Variants in KCNN4 observed in about 807,000 individuals in gnomAD.
KCNN4 encodes intermediate conductance calcium-activated potassium channel protein 4.
A neutral mutation model predicts 45.2 loss-of-function variants in KCNN4; 31 were observed. The ratio of observed to expected loss-of-function variants is 0.69; its 90% CI spans 0.52 to 0.92. The LOEUF (loss-of-function observed/expected upper bound fraction) is 0.92. Among genes scored for constraint, KCNN4 ranks in the 40% least tolerant of loss-of-function variants. The pLI, the probability that KCNN4 is intolerant of heterozygous loss-of-function variation, is 0.00. For missense variants in KCNN4, 463 were observed against 574.0 expected (o/e 0.81, Z 1.98); for synonymous variants, 231 against 254.6 (o/e 0.91, Z 0.88).
Position 43,774,939 on chromosome 19 carries a change from C to T in KCNN4, c.256-320G>A, listed in dbSNP as rs1433791769. Among the ~76,000 whole-genome samples the T allele has an allele frequency of 1.3e-5, 2 of 152,244 alleles. No homozygotes were observed. Among genetic ancestry groups the T allele is most frequent in the Non-Finnish European group, 2.9e-5 (2 of 68,042 alleles). ...ACAGTGAACCCAACAGACCCCCCTG[C>T]CTCCCTAGAGCTTGCATTCCACATG... On this transcript the variant is annotated intron_variant, in intron 2 of 8. Coordinates refer to ENST00000648319, the MANE Select transcript of KCNN4 (RefSeq NM_002250.3). The surrounding 1 kb of genome is among the most constrained non-coding windows in gnomAD (Gnocchi z 5.6).
chr19:43,768,717 C>G (rs567164997), intron 7 of KCNN4, among the ~76,000 whole-genome samples: 4 of 151,698 alleles, frequency 2.6e-5, no homozygotes, highest in Non-Finnish European at 5.9e-5. Context: ...AATTTGAAAC[C>G]AAACACTGGG....
At position 43,769,324 on chromosome 19, in the gene KCNN4, A is replaced by G; in HGVS notation, c.1049+118T>C. On this transcript the variant is annotated intron_variant, in intron 6 of 8. Transcript: ENST00000648319. The surrounding 1 kb of genome is among the most constrained non-coding windows in gnomAD (Gnocchi z 4.4). ...CCAGGTGAGACCTGGATGTTGAGTG[A>G]GACCACACCTGGGTGTCCTGACCTG... 1.2e-6 allele frequency: 1 copy of G among 808,778 alleles called. No individual in the cohort carries two copies. The highest frequency in any genetic ancestry group is 2.1e-6 in the Non-Finnish European group (1 of 477,736). 50.1% of individuals were successfully genotyped at this position (808,778 alleles called of 1,614,324 possible). A position where few individuals can be genotyped will look rare whatever the true frequency, so the allele number is the denominator to read the frequency against.
chr19:43,771,884 G>A, intron 4 of KCNN4, 116 bp downstream of exon 4: 1 of 1,319,870 alleles, frequency 7.6e-7, no homozygotes, highest in Non-Finnish European at 1.0e-6. Context: ...AGACACTCAA[G>A]TTTCTCAGGA....
chr19:43,774,476 C>T lies in KCNN4; in HGVS notation c.399G>A (p.Ala133=). ...GCCAGGGCTGCGGGGAGGTCAGCGG[C>T]GCCCCTAAATCCTGCACGCACGGCG... ...RGPPCVQDLG[A]PLTSPQPWPG... is the part of the protein sequence containing the mutation. The change falls in exon 3 of 9, where the codon GCG becomes GCA. Residue 133 remains alanine (A), a synonymous_variant. Coordinates refer to ENST00000648319, the MANE Select transcript of KCNN4 (RefSeq NM_002250.3). This position sits in a 1 kb window ranked among gnomAD's most constrained non-coding sequence, Gnocchi z 5.6. 2.5e-6 allele frequency: 4 copies of T among 1,595,884 alleles called. No individual in the cohort carries two copies. The highest frequency in any genetic ancestry group is 2.6e-6 in the Non-Finnish European group (3 of 1,171,536).
At chr19:43,767,732 G>T in intron 7 of KCNN4, 25 bp from the exon 8 acceptor site, 1 of 1,613,546 alleles carries the variant, frequency 6.2e-7, no homozygotes, top group East Asian at 2.2e-5. Flanking sequence ...AGGATCAGAG[G>T]TGTCGGGGCT....
Position 43,769,234 on chromosome 19 carries a change from C to G in KCNN4, c.1050-202G>C. On this transcript the variant is annotated intron_variant, in intron 6 of 8. Coordinates refer to ENST00000648319, the MANE Select transcript of KCNN4 (RefSeq NM_002250.3). The surrounding 1 kb of genome is among the most constrained non-coding windows in gnomAD (Gnocchi z 4.4). ...CAGTAGAAACCCAGGTACCCAGGTC[C>G]GCAGACACACCGAGATATGCGGAGA... 2 of 673,144 alleles carry G rather than the reference C, an allele frequency of 3.0e-6. No individual in the cohort carries two copies. The highest frequency in any genetic ancestry group is 5.2e-6 in the Non-Finnish European group (2 of 386,358). The allele number at this position is 673,144 out of a possible 1,614,324, so 41.7% of individuals were successfully genotyped here. A position where few individuals can be genotyped will look rare whatever the true frequency, so the allele number is the denominator to read the frequency against.
In KCNN4 at chr19:43,776,677, C is replaced by A. The variant is rs554707587; in HGVS notation, c.160-41G>T. On this transcript the variant is annotated intron_variant, in intron 1 of 8. Coordinates refer to ENST00000648319, the MANE Select transcript of KCNN4 (RefSeq NM_002250.3). ...GAAAAAGCGGTGTGAGATCCCAGGT[C>A]TCCCTCCGCCTGGCCCTCCACCTTT... is the stretch of plus-strand genomic sequence containing the variant. 7.9e-5 allele frequency: 104 copies of A among 1,323,206 alleles called. 1 individual carries two copies. The highest frequency in any genetic ancestry group is 3.8e-4 in the South Asian group (32 of 85,222). 82.0% of individuals were successfully genotyped at this position (1,323,206 alleles called of 1,614,324 possible). A position where few individuals can be genotyped will look rare whatever the true frequency, so the allele number is the denominator to read the frequency against.
At chr19:43,767,984 A>C (rs991463101) in intron 7 of KCNN4, among the ~76,000 whole-genome samples, 20 of 152,220 alleles carry the variant, frequency 1.3e-4, no homozygotes, top group South Asian at 6.2e-4. Context: ...GTTAAATGAC[A>C]TGCCCAAAGC....
At position 43,774,611 on chromosome 19, in the gene KCNN4, C is replaced by A; in HGVS notation, c.264G>T (p.Met88Ile). ...GCCAGTCCCGCAGCCCGTTGTCGGTCATGAACAGCTGCCGGTAGGGGGCCA... is the reference window on the plus strand; with the variant it reads ...GCCAGTCCCGCAGCCCGTTGTCGGTAATGAACAGCTGCCGGTAGGGGGCCA... ...AFHAKEVQLF[M>I]TDNGLRDWRV... Residue 88 changes from methionine to isoleucine, a missense_variant, in exon 3 of 9, where the codon ATG (methionine) becomes ATT (isoleucine). Physicochemically the swap from Met to Ile is conservative, Grantham distance 10. This residue lies in a region of KCNN4 where 225 missense variants were observed against 240.9 expected (regional missense o/e 0.93). Coordinates refer to ENST00000648319, the MANE Select transcript of KCNN4 (RefSeq NM_002250.3). The surrounding 1 kb of genome is among the most constrained non-coding windows in gnomAD (Gnocchi z 5.6). 4 of 1,500,782 alleles carry A rather than the reference C, an allele frequency of 2.7e-6. No homozygotes were observed. The South Asian group carries it at 5.3e-5, about 20-fold the overall frequency. The allele number at this position is 1,500,782 out of a possible 1,614,324, so 93.0% of individuals were successfully genotyped here.
rs75970025 is a variant in KCNN4, at chr19:43,779,923, G to A, written c.159+780C>T. Reference sequence around the variant, plus strand: ...TTGAGCTTGTTAACAGTGGAGACTGGGTTGGGGTTGGTGGGGGGAGGCAGG... The same window carrying A: ...TTGAGCTTGTTAACAGTGGAGACTGAGTTGGGGTTGGTGGGGGGAGGCAGG... On this transcript the variant is annotated intron_variant, in intron 1 of 8. Transcript: ENST00000648319. Among the ~76,000 whole-genome samples, 369 of 152,288 alleles carry A rather than the reference G, an allele frequency of 2.4e-3. 3 individuals carry two copies. Among genetic ancestry groups the A allele is most frequent in the African/African-American group, 8.5e-3 (353 of 41,550 alleles).
chr19:43,774,050 G>T lies in KCNN4; in HGVS notation c.683+142C>A. The T allele has an allele frequency of 1.1e-6, 1 of 897,568 alleles. No individual in the cohort carries two copies. The allele number at this position is 897,568 out of a possible 1,614,324, so 55.6% of individuals were successfully genotyped here. A position where few individuals can be genotyped will look rare whatever the true frequency, so the allele number is the denominator to read the frequency against. ...TTGATGGGAGTGTGGGCAAATTTCA[G>T]CCAGCAAGAGGAGAAGGGGTCAAAG... is the stretch of plus-strand genomic sequence containing the variant. On this transcript the variant is annotated intron_variant, in intron 3 of 8. Transcript: ENST00000648319. This position sits in a 1 kb window ranked among gnomAD's most constrained non-coding sequence, Gnocchi z 5.6.
chr19:43,776,456 G>C (rs1201215357), intron 2 of KCNN4, 85 bp downstream of exon 2: 1 of 852,112 alleles, frequency 1.2e-6, no homozygotes, highest in African/African-American at 1.7e-5. Context: ...CTCAGATCAG[G>C]AGGAGGAGGA....
chr19:43,774,599 C>G lies in KCNN4; in HGVS notation c.276G>C (p.Gly92=), dbSNP rs1337896495. 6.6e-7 allele frequency: 1 copy of G among 1,512,792 alleles called. No individual in the cohort carries two copies. Among genetic ancestry groups the G allele is most frequent in the Non-Finnish European group, 8.8e-7 (1 of 1,140,466 alleles). 93.7% of individuals were successfully genotyped at this position (1,512,792 alleles called of 1,614,324 possible). A position where few individuals can be genotyped will look rare whatever the true frequency, so the allele number is the denominator to read the frequency against. Residue 92 remains glycine, a synonymous_variant, in exon 3 of 9, where the codon GGG becomes GGC. Transcript: ENST00000648319. This position sits in a 1 kb window ranked among gnomAD's most constrained non-coding sequence, Gnocchi z 5.6. ...KEVQLFMTDN[G]LRDWRVALTG... Reference sequence around the variant, plus strand: ...TCAGCGCCACGCGCCAGTCCCGCAGCCCGTTGTCGGTCATGAACAGCTGCC... The same window carrying G: ...TCAGCGCCACGCGCCAGTCCCGCAGGCCGTTGTCGGTCATGAACAGCTGCC...
At chr19:43,767,340 G>C (rs1256367766) in intron 8 of KCNN4, 200 bp downstream of exon 8, 1 of 620,526 alleles carries the variant, frequency 1.6e-6, no homozygotes, top group African/African-American at 1.8e-5. Flanking sequence ...TCAAGGGTCA[G>C]TGAAGGGGAG....
At chr19:43,773,169 C>T (rs1388099432) in intron 3 of KCNN4, among the ~76,000 whole-genome samples, 1 of 152,220 alleles carries the variant, frequency 6.6e-6, no homozygotes, top group Non-Finnish European at 1.5e-5. Context: ...TGGTGGTGCA[C>T]ATCCGTAATC....
chr19:43,777,991 C>A (rs1038802930), intron 1 of KCNN4, among the ~76,000 whole-genome samples: 2 of 152,168 alleles, frequency 1.3e-5, no homozygotes, highest in Admixed American at 6.5e-5. Flanking sequence ...AGCCCTCCCC[C>A]ACCTTCTATG....
chr19:43,780,195 C>T (rs1269564178), intron 1 of KCNN4, among the ~76,000 whole-genome samples: 7 of 152,046 alleles, frequency 4.6e-5, no homozygotes, highest in Admixed American at 4.6e-4. Context: ...GGTCCTGGAC[C>T]TCTGGCCGTC....
chr19:43,771,143 G>A (rs1290311485), intron 4 of KCNN4, among the ~76,000 whole-genome samples: 2 of 152,140 alleles, frequency 1.3e-5, no homozygotes, highest in East Asian at 1.9e-4. Flanking sequence ...GCCAGGGCTG[G>A]GTGGGAGGAC....
chr19:43,767,676 T>A lies in KCNN4; in HGVS notation c.1151A>T (p.Asn384Ile). Residue 384 changes from asparagine (N) to isoleucine (I), a missense_variant, in exon 8 of 9, where the codon AAT (asparagine) becomes ATT (isoleucine). Asn to Ile is a moderately radical substitution (Grantham distance 149). Transcript: ENST00000648319. ...MHMILYDLQQNLSSSHRALEK... is the reference protein window; with the variant it reads ...MHMILYDLQQILSSSHRALEK... ...CAGGGCCCGGTGTGAGCTGCTCAGATTCTGCTGCAGGTCATACAGGATCAT... is the reference window on the plus strand; with the variant it reads ...CAGGGCCCGGTGTGAGCTGCTCAGAATCTGCTGCAGGTCATACAGGATCAT... The A allele has an allele frequency of 6.2e-7, 1 of 1,614,176 alleles. No homozygotes were observed. Among genetic ancestry groups the A allele is most frequent in the South Asian group, 1.1e-5 (1 of 91,070 alleles).
Sources: gnomAD v4.1 joint callset for allele counts (sites outside exome capture counted in the v4.1 genomes callset) on GRCh38, gnomAD v4.1.1 for gene constraint, gnomAD v4.1.1 regional missense constraint, Gnocchi (gnomAD v3.1) non-coding constraint, MANE v1.5 for transcripts, NCBI Gene and HGNC (gene_info 2026-07-23, HGNC 2026-07-21) for gene names.